MARK2: variants seen among roughly 807,000 people sequenced by gnomAD.
MARK2 encodes the protein serine/threonine-protein kinase MARK2.
A neutral mutation model predicts 89.8 loss-of-function variants in MARK2; 16 were observed. The observed-to-expected ratio is 0.18, with a 90% CI of 0.12 to 0.27. MARK2 has a LOEUF of 0.27. Ranked by LOEUF, MARK2 falls within the 10% of genes least tolerant of loss-of-function variation. The probability of loss-of-function intolerance (pLI) is 1.00; values close to 1 mark genes in which losing one functional copy is unlikely to be tolerated. For missense variants in MARK2, 621 were observed against 1,049.9 expected (o/e 0.59, Z 5.65); for synonymous variants, 382 against 399.5 (o/e 0.96, Z 0.52).
At chr11:63,843,509 T>G (rs964111250) in intron 1 of MARK2, among the ~76,000 whole-genome samples, 5 of 152,094 alleles carry the variant, frequency 3.3e-5, no homozygotes, top group African/African-American at 1.2e-4. Flanking sequence ...AAGGGGAGTT[T>G]AGAAGTACTG....
rs79053529 is a variant in MARK2, at chr11:63,844,058, C to G, written c.54+4498C>G. Among the ~76,000 whole-genome samples the G allele has an allele frequency of 1.6e-4, 25 of 152,174 alleles. No homozygotes were observed. The East Asian group carries it at 4.8e-3, about 29-fold the overall frequency. ...GTCAGGAATGTGGGTGAATGTCAGA[C>G]CAAATAGTGTCACTTTCGGCTTGGC... On this transcript the variant is annotated intron_variant, in intron 1 of 18. Coordinates refer to ENST00000402010, the MANE Select transcript of MARK2 (RefSeq NM_001039469.3).
intron 1 of MARK2, among the ~76,000 whole-genome samples, chr11:63,889,158 TC>T (rs1431179290): frequency 6.6e-6 from 1 of 152,004 alleles, no homozygotes; most frequent in Non-Finnish European, 1.5e-5. Context: ...CAGAAGGGTC[TC>T]CCCTGAGAAC....
intron 18 of MARK2, among the ~76,000 whole-genome samples, 167 bp downstream of exon 18, chr11:63,908,471 T>C (rs987165381): frequency 6.6e-6 from 1 of 152,168 alleles, no homozygotes; most frequent in African/African-American, 2.4e-5. Context: ...CCAAACCCAA[T>C]TGCAGGAGTT....
chr11:63,861,569 T>TA (rs1417337389), intron 1 of MARK2, among the ~76,000 whole-genome samples: 6 of 152,188 alleles, frequency 3.9e-5, no homozygotes, highest in Admixed American at 3.3e-4. Context: ...AACTCAGCCT[T>TA]AAAGGGAATG....
chr11:63,867,424 G>A (rs1338869138), intron 1 of MARK2, among the ~76,000 whole-genome samples: 1 of 152,212 alleles, frequency 6.6e-6, no homozygotes, highest in African/African-American at 2.4e-5. Context: ...AAATATATAA[G>A]TGTGCCTCCT....
intron 1 of MARK2, among the ~76,000 whole-genome samples, chr11:63,860,132 C>T (rs748540133): frequency 1.3e-5 from 2 of 152,180 alleles, no homozygotes; most frequent in Non-Finnish European, 2.9e-5. Flanking sequence ...CAACTTTGTT[C>T]TTTTGCATAT....
At chr11:63,847,907 C>G (rs1163601936) in intron 1 of MARK2, among the ~76,000 whole-genome samples, 2 of 152,222 alleles carry the variant, frequency 1.3e-5, no homozygotes, top group African/African-American at 4.8e-5. Flanking sequence ...CTGCTATGAT[C>G]TGGCTGCTAA....
chr11:63,869,398 T>C (rs1938323307), intron 1 of MARK2: 1 of 162,710 alleles, frequency 6.1e-6, no homozygotes, highest in African/African-American at 2.4e-5. Context: ...AGGAACTAGG[T>C]GTGCCACTTA....
chr11:63,853,877 CTATT>C (rs998619257), intron 1 of MARK2, among the ~76,000 whole-genome samples: 9 of 151,344 alleles, frequency 5.9e-5, no homozygotes, highest in Non-Finnish European at 1.3e-4. Flanking sequence ...TAATTTTTAT[CTATT>C]TATTTTTTTG....
intron 1 of MARK2, among the ~76,000 whole-genome samples, chr11:63,855,059 A>G (rs1048069569): frequency 3.3e-5 from 5 of 152,234 alleles, no homozygotes; most frequent in African/African-American, 9.6e-5. Context: ...TCAAGTGAAA[A>G]TTAGAATTTT....
At position 63,902,421 on chromosome 11, in the gene MARK2, C is replaced by T. The variant is rs1940975428; in HGVS notation, c.1234+91C>T. The stretch of plus-strand genomic sequence containing the variant: ...GGACTTGGGTAACACAACTAAGTTT[C>T]AGTCCTGGTTCAGCCACTTATTAGT... On this transcript the variant is annotated intron_variant, in intron 12 of 18. Coordinates refer to ENST00000402010, the MANE Select transcript of MARK2 (RefSeq NM_001039469.3). The surrounding 1 kb of genome is among the most constrained non-coding windows in gnomAD (Gnocchi z 4.2). 6.4e-7 allele frequency: 1 copy of T among 1,551,916 alleles called. No homozygotes were observed. The highest frequency in any genetic ancestry group is 8.9e-7 in the Non-Finnish European group (1 of 1,129,142).
intron 1 of MARK2, among the ~76,000 whole-genome samples, chr11:63,870,225 AATG>A (rs1359021072): frequency 1.3e-5 from 2 of 152,006 alleles, no homozygotes; most frequent in Non-Finnish European, 2.9e-5. Flanking sequence ...GGCCCTAGGG[AATG>A]ATGATTTATT....
chr11:63,894,376 A>G (rs1940178721), intron 1 of MARK2, among the ~76,000 whole-genome samples: 1 of 152,194 alleles, frequency 6.6e-6, no homozygotes, highest in Non-Finnish European at 1.5e-5. Flanking sequence ...CCTTCCATGC[A>G]GGAAGGGCTA....
intron 1 of MARK2, among the ~76,000 whole-genome samples, chr11:63,851,513 C>CTT (rs78388500): frequency 6.6e-6 from 1 of 151,840 alleles, no homozygotes; most frequent in East Asian, 1.9e-4. Context: ...GTTTCACTTT[C>CTT]TTTTTTTCTG....
Position 63,839,503 on chromosome 11 carries a change from C to A in MARK2, c.-4C>A. 1 of 1,528,750 alleles carries A rather than the reference C, an allele frequency of 6.5e-7. No individual in the cohort carries two copies. The highest frequency in any genetic ancestry group is 8.8e-7 in the Non-Finnish European group (1 of 1,134,294). The allele number at this position is 1,528,750 out of a possible 1,614,324, so 94.7% of individuals were successfully genotyped here. ...TCGGTTCCCTCCCCCGAGATACCGG[C>A]GCCATGTCCAGCGCTCGGACCCCCC... On this transcript the variant is annotated 5_prime_UTR_variant, in exon 1 of 19. Coordinates refer to ENST00000402010, the MANE Select transcript of MARK2 (RefSeq NM_001039469.3).
At chr11:63,844,958 C>T (rs1028432667) in intron 1 of MARK2, among the ~76,000 whole-genome samples, 1 of 152,184 alleles carries the variant, frequency 6.6e-6, no homozygotes, top group Non-Finnish European at 1.5e-5. Flanking sequence ...TAGAGTGCAG[C>T]CAAGCCTCAG....
intron 1 of MARK2, among the ~76,000 whole-genome samples, chr11:63,842,980 T>G (rs2016095692): frequency 6.6e-6 from 1 of 151,988 alleles, no homozygotes; most frequent in South Asian, 2.1e-4. Flanking sequence ...TGCTGTCCAC[T>G]TCGCTTATAA....
In MARK2 at chr11:63,908,857, C is replaced by A; in HGVS notation, c.2007-20C>A. On this transcript the variant is annotated intron_variant, in intron 18 of 18. Coordinates refer to ENST00000402010, the MANE Select transcript of MARK2 (RefSeq NM_001039469.3). The stretch of plus-strand genomic sequence containing the variant: ...GGTGCCTCAGCCCCCCCGTGACGCC[C>A]GCCTCTGCCCTCTCCACAGACCTCA... The A allele has an allele frequency of 7.0e-7, 1 of 1,434,556 alleles. No homozygotes were observed. The highest frequency in any genetic ancestry group is 2.5e-5 in the East Asian group (1 of 40,190). 88.9% of individuals were successfully genotyped at this position (1,434,556 alleles called of 1,614,324 possible).
chr11:63,877,812 T>C (rs1478041650), intron 1 of MARK2, among the ~76,000 whole-genome samples: 1 of 152,206 alleles, frequency 6.6e-6, no homozygotes, highest in Non-Finnish European at 1.5e-5. Context: ...AGCAAAATTG[T>C]CATTGCCGCC....
Sources: gnomAD v4.1 joint callset for allele counts (sites outside exome capture counted in the v4.1 genomes callset) on GRCh38, gnomAD v4.1.1 for gene constraint, Gnocchi (gnomAD v3.1) non-coding constraint, MANE v1.5 for transcripts, NCBI Gene and HGNC (gene_info 2026-07-23, HGNC 2026-07-21) for gene names.